Variants in SLC22A3 observed in about 807,000 individuals in gnomAD.
SLC22A3 encodes the protein EMT organic cation transporter 3.
Under a neutral mutation model 59.1 loss-of-function variants are expected in SLC22A3, and 51 were observed. That is an observed-to-expected ratio of 0.86 (90% confidence interval 0.69 to 1.09). The LOEUF (loss-of-function observed/expected upper bound fraction) is 1.09. Among genes scored for constraint, SLC22A3 ranks in the 50% least tolerant of loss-of-function variants. The pLI is 0.00. For synonymous variants in SLC22A3, 325 were observed against 292.0 expected (o/e 1.11, Z -1.15); for missense variants, 711 against 726.3 (o/e 0.98, Z 0.24).
intron 2 of SLC22A3, among the ~76,000 whole-genome samples, chr6:160,405,638 A>G (rs899639839): frequency 1.3e-5 from 2 of 152,180 alleles, no homozygotes; most frequent in Admixed American, 1.3e-4. Flanking sequence ...TGTTTATAGC[A>G]GCTTTCTTCA....
At chr6:160,441,121 C>T (rs767972330) in intron 7 of SLC22A3, among the ~76,000 whole-genome samples, 2 of 152,094 alleles carry the variant, frequency 1.3e-5, no homozygotes, top group Admixed American at 1.3e-4. Context: ...AAGAACCCAA[C>T]CTGGATAGTG....
At chr6:160,395,059 G>C (rs1411083067) in intron 1 of SLC22A3, among the ~76,000 whole-genome samples, 1 of 152,216 alleles carries the variant, frequency 6.6e-6, no homozygotes, top group Admixed American at 6.5e-5. Context: ...CAGAAGGGCA[G>C]GCAGTATCTG....
At chr6:160,371,554 T>C (rs1001826409) in intron 1 of SLC22A3, among the ~76,000 whole-genome samples, 6 of 152,346 alleles carry the variant, frequency 3.9e-5, no homozygotes, top group Admixed American at 3.9e-4. Context: ...GGTGTATATG[T>C]GCCACATTTT....
intron 1 of SLC22A3, among the ~76,000 whole-genome samples, chr6:160,384,066 A>G (rs1785898932): frequency 6.6e-6 from 1 of 152,132 alleles, no homozygotes; most frequent in Non-Finnish European, 1.5e-5. Context: ...AATAGCTGGG[A>G]TTACAGGCGC....
At chr6:160,391,701 T>G (rs1489075574) in intron 1 of SLC22A3, among the ~76,000 whole-genome samples, 1 of 152,194 alleles carries the variant, frequency 6.6e-6, no homozygotes, top group African/African-American at 2.4e-5. Flanking sequence ...GTAAACATTT[T>G]AAGATGCGTA....
chr6:160,411,005 C>G (rs1787228017), intron 5 of SLC22A3, among the ~76,000 whole-genome samples, 159 bp downstream of exon 5: 2 of 151,750 alleles, frequency 1.3e-5, no homozygotes, highest in South Asian at 2.1e-4. Flanking sequence ...CACACACACA[C>G]TACCAAACAT....
At chr6:160,353,893 C>T (rs1354292724) in intron 1 of SLC22A3, among the ~76,000 whole-genome samples, 1 of 152,112 alleles carries the variant, frequency 6.6e-6, no homozygotes, top group Non-Finnish European at 1.5e-5. Context: ...CCTGGAGACT[C>T]TCAGAGGGGA....
At chr6:160,450,779 T>G (rs1788924327) in intron 10 of SLC22A3, among the ~76,000 whole-genome samples, 2 of 149,962 alleles carry the variant, frequency 1.3e-5, no homozygotes, top group Admixed American at 1.3e-4. Context: ...TGGCTCCAGC[T>G]GGTCCCTCCA....
At chr6:160,398,170 CAA>C in intron 2 of SLC22A3, 88 bp downstream of exon 2, 1 of 1,011,662 alleles carries the variant, frequency 9.9e-7, no homozygotes, top group Non-Finnish European at 1.6e-6. Context: ...ACTATTAAAA[CAA>C]TATTTTTGCT....
chr6:160,438,809 A>G (rs879774458), intron 7 of SLC22A3, among the ~76,000 whole-genome samples: 15 of 152,140 alleles, frequency 9.9e-5, no homozygotes, highest in Admixed American at 9.8e-4. Flanking sequence ...GTCTAGAATC[A>G]AGGCATCCAA....
intron 1 of SLC22A3, among the ~76,000 whole-genome samples, chr6:160,353,781 T>C (rs1003425634): frequency 3.3e-5 from 5 of 152,100 alleles, no homozygotes; most frequent in African/African-American, 1.2e-4. Context: ...CCTTTTCAGA[T>C]GGTCCATGGA....
chr6:160,420,204 T>A (rs1161950606), intron 5 of SLC22A3, among the ~76,000 whole-genome samples: 5 of 152,200 alleles, frequency 3.3e-5, no homozygotes, highest in South Asian at 2.1e-4. Context: ...TCCTACACCT[T>A]TAATTGAAAT....
At chr6:160,375,461 C>T (rs1039934400) in intron 1 of SLC22A3, among the ~76,000 whole-genome samples, 3 of 151,922 alleles carry the variant, frequency 2.0e-5, no homozygotes, top group Admixed American at 6.6e-5. Flanking sequence ...CACCACCCTC[C>T]ACCCCCAAGC....
chr6:160,393,540 T>C (rs987197172), intron 1 of SLC22A3, among the ~76,000 whole-genome samples: 8 of 150,878 alleles, frequency 5.3e-5, no homozygotes, highest in Admixed American at 1.3e-4. Flanking sequence ...ACATGCGGTG[T>C]TTGGTATTTT....
At chr6:160,357,049 A>T (rs769597206) in intron 1 of SLC22A3, among the ~76,000 whole-genome samples, 1 of 152,184 alleles carries the variant, frequency 6.6e-6, no homozygotes, top group Non-Finnish European at 1.5e-5. Flanking sequence ...CTTCCTTAAC[A>T]TCTGCTCTAG....
At chr6:160,435,973 CG>C (rs1562500383) in intron 5 of SLC22A3, among the ~76,000 whole-genome samples, 1 of 152,030 alleles carries the variant, frequency 6.6e-6, no homozygotes, top group Non-Finnish European at 1.5e-5. Context: ...GATAGAGGTC[CG>C]GGGAGTAGAG....
intron 1 of SLC22A3, among the ~76,000 whole-genome samples, chr6:160,387,733 G>A (rs1249291189): frequency 6.6e-6 from 1 of 152,136 alleles, no homozygotes; most frequent in Non-Finnish European, 1.5e-5. Flanking sequence ...AATGCTGTCA[G>A]TATTTTCCAA....
At chr6:160,412,219 G>A (rs1040943931) in intron 5 of SLC22A3, among the ~76,000 whole-genome samples, 3 of 152,040 alleles carry the variant, frequency 2.0e-5, no homozygotes, top group Non-Finnish European at 4.4e-5. Flanking sequence ...AAAAATTAGC[G>A]AGGAGTGGAG....
At chr6:160,372,542 G>A (rs1278357992) in intron 1 of SLC22A3, among the ~76,000 whole-genome samples, 2 of 152,152 alleles carry the variant, frequency 1.3e-5, no homozygotes, top group Admixed American at 6.5e-5. Flanking sequence ...ATGTTGGCCT[G>A]TTGTCCTGGG....
Sources: gnomAD v4.1 joint callset for allele counts (sites outside exome capture counted in the v4.1 genomes callset) on GRCh38, gnomAD v4.1.1 for gene constraint, MANE v1.5 for transcripts, NCBI Gene and HGNC (gene_info 2026-07-23, HGNC 2026-07-21) for gene names.